Variants in TMTC1 observed in about 807,000 individuals in gnomAD.
TMTC1 encodes transmembrane O-mannosyltransferase targeting cadherins 1.
In TMTC1, 73 loss-of-function variants were observed where a neutral mutation model predicts 104.8. That is an observed-to-expected ratio of 0.70 (90% CI 0.58 to 0.85). The LOEUF is 0.85. Ranked by LOEUF, TMTC1 falls within the 40% of genes least tolerant of loss-of-function variation. The pLI is 0.00. For missense variants in TMTC1, 1,035 were observed against 1,096.1 expected (o/e 0.94, Z 0.79); for synonymous variants, 434 against 428.7 (o/e 1.01, Z -0.15).
At chr12:29,741,472 G>C (rs1942824307) in intron 5 of TMTC1, among the ~76,000 whole-genome samples, 1 of 152,154 alleles carries the variant, frequency 6.6e-6, no homozygotes, top group African/African-American at 2.4e-5. Context: ...CAACCAGCTT[G>C]TCTCCCTTGT....
Position 29,583,398 on chromosome 12 carries a change from T to C in TMTC1, c.1418+9A>G, listed in dbSNP as rs112130088. The C allele has an allele frequency of 1.7e-3, 2,692 of 1,612,742 alleles. 31 individuals are homozygous for C. In the African/African-American group the frequency reaches 0.031, roughly 19 times the overall value. ...AGGAAGATATTTATTTTTATCTGTCTAGTCATACCTGAATAGGGACTCTCT... is the reference window on the plus strand; with the variant it reads ...AGGAAGATATTTATTTTTATCTGTCCAGTCATACCTGAATAGGGACTCTCT... On this transcript the variant is annotated intron_variant, in intron 8 of 17. Transcript: ENST00000539277.
intron 5 of TMTC1, among the ~76,000 whole-genome samples, chr12:29,675,044 T>C (rs930279568): frequency 1.3e-5 from 2 of 152,244 alleles, no homozygotes; most frequent in African/African-American, 2.4e-5. Flanking sequence ...CACCGGACCA[T>C]GTGCAAAGTA....
intron 1 of TMTC1, chr12:29,782,745 T>C (rs1054134261): frequency 6.6e-5 from 10 of 152,294 alleles, no homozygotes; most frequent in African/African-American, 2.4e-4. Context: ...ACTCCGAGGT[T>C]GTAAAAGAAA....
At chr12:29,651,268 G>A (rs1402926948) in intron 5 of TMTC1, among the ~76,000 whole-genome samples, 1 of 152,184 alleles carries the variant, frequency 6.6e-6, no homozygotes, top group Non-Finnish European at 1.5e-5. Flanking sequence ...TAGAGATATA[G>A]TATGCTGAAA....
intron 7 of TMTC1, among the ~76,000 whole-genome samples, chr12:29,590,499 A>G (rs1302816348): frequency 1.3e-5 from 2 of 152,128 alleles, no homozygotes; most frequent in African/African-American, 4.8e-5. Context: ...TTAAAAATCC[A>G]CGTGTGGCCA....
At chr12:29,719,903 A>G (rs11050408) in intron 5 of TMTC1, among the ~76,000 whole-genome samples, 9,432 of 152,266 alleles carry the variant, frequency 0.062, 389 homozygotes, top group South Asian at 0.17. Context: ...CCAGAACAAG[A>G]AATTCACCTC....
At chr12:29,689,940 C>T (rs1941215708) in intron 5 of TMTC1, among the ~76,000 whole-genome samples, 1 of 152,142 alleles carries the variant, frequency 6.6e-6, no homozygotes, top group Non-Finnish European at 1.5e-5. Context: ...CAAGGTAGAT[C>T]ATTGCATATT....
At chr12:29,745,569 C>T (rs544016424) in intron 5 of TMTC1, among the ~76,000 whole-genome samples, 48 of 126,522 alleles carry the variant, frequency 3.8e-4, no homozygotes, top group Non-Finnish European at 5.5e-4. Context: ...TGCAGTGAGT[C>T]GAGATAACAT....
At chr12:29,592,492 T>C (rs1047718501) in intron 7 of TMTC1, among the ~76,000 whole-genome samples, 21 of 152,230 alleles carry the variant, frequency 1.4e-4, no homozygotes, top group African/African-American at 5.1e-4. Context: ...TCTGTTGTTT[T>C]CCAGCATGTC....
chr12:29,642,782 G>A lies in TMTC1; in HGVS notation c.939-9446C>T, dbSNP rs184823612. On this transcript the variant is annotated intron_variant, in intron 5 of 17. Transcript: ENST00000539277. ...CCACTAAAAATATGAAAAATTAGCCGGGCGTGGTGGCGGGCGCCTGTGGTC... is the reference window on the plus strand; with the variant it reads ...CCACTAAAAATATGAAAAATTAGCCAGGCGTGGTGGCGGGCGCCTGTGGTC... Among the ~76,000 whole-genome samples the A allele has an allele frequency of 6.9e-4, 105 of 152,086 alleles. 1 individual carries two copies. Among genetic ancestry groups the A allele is most frequent in the East Asian group, 2.1e-3 (11 of 5,172 alleles).
At chr12:29,694,519 T>G (rs1941357839) in intron 5 of TMTC1, among the ~76,000 whole-genome samples, 1 of 152,058 alleles carries the variant, frequency 6.6e-6, no homozygotes, top group African/African-American at 2.4e-5. Flanking sequence ...TTTTAAATTT[T>G]GTGTTATCTT....
chr12:29,683,725 T>G (rs1404891753), intron 5 of TMTC1, among the ~76,000 whole-genome samples: 1 of 152,154 alleles, frequency 6.6e-6, no homozygotes, highest in Non-Finnish European at 1.5e-5. Context: ...GAATGTAGCA[T>G]ACCTGAAAGA....
Position 29,604,220 on chromosome 12 carries a change from C to T in TMTC1, c.1208G>A (p.Arg403Lys). The change falls in exon 7 of 18, where the codon AGG becomes AAG. Residue 403 changes from arginine (R) to lysine (K), a missense_variant. By Grantham distance (26) the Arg-to-Lys change is conservative. Coordinates refer to ENST00000539277, the MANE Select transcript of TMTC1 (RefSeq NM_001193451.2). Reference sequence around the variant, plus strand: ...TCTCTCCGCCACCACAAAACCCACCCTGAAGAAGAGGTTGCTGGCTGGAAT... The same window carrying T: ...TCTCTCCGCCACCACAAAACCCACCTTGAAGAAGAGGTTGCTGGCTGGAAT... Reference protein sequence around the residue: ...PFIPASNLFFRVGFVVAERVL... With the variant: ...PFIPASNLFFKVGFVVAERVL... The T allele has an allele frequency of 6.2e-7, 1 of 1,613,934 alleles. No individual in the cohort carries two copies. Among genetic ancestry groups the T allele is most frequent in the South Asian group, 1.1e-5 (1 of 91,070 alleles).
chr12:29,748,481 A>G (rs1943010802), intron 5 of TMTC1, among the ~76,000 whole-genome samples: 1 of 152,216 alleles, frequency 6.6e-6, no homozygotes, highest in African/African-American at 2.4e-5. Flanking sequence ...TTTAGAGCAC[A>G]GTAAATGGTC....
intron 2 of TMTC1, among the ~76,000 whole-genome samples, chr12:29,764,809 C>A (rs560619917): frequency 1.1e-4 from 16 of 152,228 alleles, no homozygotes; most frequent in Non-Finnish European, 2.2e-4. Context: ...TCAATTAGTA[C>A]AAAAGCTCGC....
chr12:29,725,346 C>CT (rs1286397274), intron 5 of TMTC1, among the ~76,000 whole-genome samples: 1 of 149,018 alleles, frequency 6.7e-6, no homozygotes, highest in Admixed American at 6.7e-5. Context: ...CTTTTTTTTT[C>CT]TTTTTTGGGA....
At chr12:29,740,429 C>T (rs535360100) in intron 5 of TMTC1, among the ~76,000 whole-genome samples, 1 of 152,136 alleles carries the variant, frequency 6.6e-6, no homozygotes, top group Non-Finnish European at 1.5e-5. Context: ...AGCCTAGCCT[C>T]TCAGCCTACA....
At chr12:29,510,811 C>T (rs1469478026) in intron 17 of TMTC1, among the ~76,000 whole-genome samples, 2 of 152,214 alleles carry the variant, frequency 1.3e-5, no homozygotes, top group Admixed American at 6.5e-5. Context: ...CATTTCTCTG[C>T]TCAAAGTCCT....
chr12:29,614,058 C>T (rs1312910379), intron 6 of TMTC1: 3 of 264,112 alleles, frequency 1.1e-5, no homozygotes, highest in Non-Finnish European at 1.8e-5. Context: ...TTTAGAGTAG[C>T]ACTTCCAAAA....
Sources: allele counts gnomAD v4.1 joint callset (sites outside exome capture counted in the v4.1 genomes callset), GRCh38; gene constraint gnomAD v4.1.1; transcripts MANE v1.5; gene names NCBI Gene and HGNC (gene_info 2026-07-23, HGNC 2026-07-21).